Variants in OLFML3 observed in about 807,000 individuals in gnomAD.
OLFML3 encodes olfactomedin-like protein 3.
OLFML3 carries 26 observed loss-of-function variants against 36.0 expected under a neutral mutation model. The ratio of observed to expected loss-of-function variants is 0.72; its 90% CI spans 0.53 to 1.00. OLFML3 has a LOEUF of 1.00. Among genes scored for constraint, OLFML3 ranks in the 50% least tolerant of loss-of-function variants. The pLI is 0.00. For missense variants in OLFML3, 503 were observed against 519.4 expected (o/e 0.97, Z 0.31); for synonymous variants, 184 against 201.2 (o/e 0.91, Z 0.72).
chr1:113,979,794 C>G (rs1673338246), intron 1 of OLFML3, among the ~76,000 whole-genome samples, 164 bp downstream of exon 1: 1 of 152,200 alleles, frequency 6.6e-6, no homozygotes, highest in Admixed American at 6.5e-5. Context: ...CCTCCTCTTA[C>G]CCCACATAGA....
rs2101556450 is a variant in OLFML3, at chr1:113,980,771, G to A, written c.400+154G>A. 4 of 1,053,324 alleles carry A rather than the reference G, an allele frequency of 3.8e-6. No homozygotes were observed. The East Asian group carries it at 8.0e-5, about 21-fold the overall frequency. The allele number at this position is 1,053,324 out of a possible 1,614,324, so 65.2% of individuals were successfully genotyped here. On this transcript the variant is annotated intron_variant, in intron 2 of 2. Coordinates refer to ENST00000320334, the MANE Select transcript of OLFML3 (RefSeq NM_020190.5). ...ACCTCTGTAATGCCAGGTCTATTAAGGAGAGGTTCTGGGGATCCAGGCCGC... is the reference window on the plus strand; with the variant it reads ...ACCTCTGTAATGCCAGGTCTATTAAAGAGAGGTTCTGGGGATCCAGGCCGC...
rs1673386795 is a variant in OLFML3 at position 113,980,960 on chromosome 1, A to G, written c.412A>G (p.Thr138Ala). 1 of 1,519,800 alleles carries G rather than the reference A, an allele frequency of 6.6e-7. No individual in the cohort carries two copies. The highest frequency in any genetic ancestry group is 2.3e-5 in the East Asian group (1 of 43,878). The allele number at this position is 1,519,800 out of a possible 1,614,324, so 94.1% of individuals were successfully genotyped here. A position where few individuals can be genotyped will look rare whatever the true frequency, so the allele number is the denominator to read the frequency against. The change falls in exon 3 of 3, where the codon ACA (threonine) becomes GCA (alanine). Residue 138 changes from threonine to alanine, a missense_variant. Physicochemically the swap from Thr to Ala is moderately conservative, Grantham distance 58. Transcript: ENST00000320334. ...GCTTTTCTCATCAGACTGTGGCTAC[A>G]CAATCTCTCAAGTGAGATCAATGAA... ...KYDMVTDCGY[T>A]ISQVRSMKIL...
chr1:113,980,808 C>G lies in OLFML3; in HGVS notation c.401-141C>G, dbSNP rs1290184325. 17 of 998,076 alleles carry G rather than the reference C, an allele frequency of 1.7e-5. 1 individual carries two copies. The South Asian group carries it at 2.6e-4, about 15-fold the overall frequency. The allele number at this position is 998,076 out of a possible 1,614,324, so 61.8% of individuals were successfully genotyped here. On this transcript the variant is annotated intron_variant, in intron 2 of 2. Transcript: ENST00000320334. The stretch of plus-strand genomic sequence containing the variant: ...GGGATCCAGGCCGCTGTGGTACCCG[C>G]TCTTTCTCAATTCTCCCTAAGATTG...
At position 113,981,806 on chromosome 1, in the gene OLFML3, A is replaced by G. The variant is rs367890930; in HGVS notation, c.*37A>G. 19 of 1,525,770 alleles carry G rather than the reference A, an allele frequency of 1.2e-5. No individual in the cohort carries two copies. Among genetic ancestry groups the G allele is most frequent in the Non-Finnish European group, 1.7e-5 (19 of 1,115,594 alleles). 94.5% of individuals were successfully genotyped at this position (1,525,770 alleles called of 1,614,324 possible). On this transcript the variant is annotated 3_prime_UTR_variant, in exon 3 of 3. Transcript: ENST00000320334. ...TGTTTTTTGCATCTTTCTCACTCCC[A>G]TACATTTATATTATATCCCCACTAA...
chr1:113,981,053 A>T lies in OLFML3; in HGVS notation c.505A>T (p.Ile169Phe). Residue 169 changes from isoleucine (I) to phenylalanine (F), a missense_variant, in exon 3 of 3, where the codon ATC becomes TTC. Coordinates refer to ENST00000320334, the MANE Select transcript of OLFML3 (RefSeq NM_020190.5). ...GGATCCACTGGGGCAAACAGAGAAGATCTACGTGTTAGATGGGACACAGAA... is the reference window on the plus strand; with the variant it reads ...GGATCCACTGGGGCAAACAGAGAAGTTCTACGTGTTAGATGGGACACAGAA... ...TKDPLGQTEKIYVLDGTQNDT... is the reference protein window; with the variant it reads ...TKDPLGQTEKFYVLDGTQNDT... The T allele has an allele frequency of 6.2e-7, 1 of 1,606,214 alleles. No individual in the cohort carries two copies. The highest frequency in any genetic ancestry group is 8.5e-7 in the Non-Finnish European group (1 of 1,175,358).
At position 113,981,560 on chromosome 1, in the gene OLFML3, C is replaced by A. The variant is rs563364541; in HGVS notation, c.1012C>A (p.Arg338Ser). 5.6e-6 allele frequency: 9 copies of A among 1,614,108 alleles called. No individual in the cohort carries two copies. The highest frequency in any genetic ancestry group is 1.6e-4 in the Middle Eastern group (1 of 6,062). The change falls in exon 3 of 3, where the codon CGT (arginine) becomes AGT (serine). Residue 338 changes from arginine to serine, a missense_variant. Transcript: ENST00000320334. ...GACCCTCTATGTCGTCTATAACACC[C>A]GTCCTGCCAGTCGGGCCCGCATCCA... The part of the protein sequence containing the change: ...CGTLYVVYNT[R>S]PASRARIQCS...
At position 113,980,220 on chromosome 1, in the gene OLFML3, G is replaced by T. The variant is rs535293503; in HGVS notation, c.115-112G>T. ...TTCTGCAGGAGTGGAAGGGGATATT[G>T]AAGCCTGGCTGAGTTTGCTCTTTTT... On this transcript the variant is annotated intron_variant, in intron 1 of 2. Transcript: ENST00000320334. 5.3e-6 allele frequency: 8 copies of T among 1,522,980 alleles called. No individual in the cohort carries two copies. In the South Asian group the frequency reaches 7.8e-5, roughly 15 times the overall value. 94.3% of individuals were successfully genotyped at this position (1,522,980 alleles called of 1,614,324 possible).
At position 113,981,343 on chromosome 1, in the gene OLFML3, C is replaced by T. The variant is rs377445317; in HGVS notation, c.795C>T (p.Pro265=). 11 of 1,601,772 alleles carry T rather than the reference C, an allele frequency of 6.9e-6. No individual in the cohort carries two copies. Among genetic ancestry groups the T allele is most frequent in the Non-Finnish European group, 9.4e-6 (11 of 1,173,478 alleles). The change falls in exon 3 of 3, where the codon CCC becomes CCT. Residue 265 remains proline, a synonymous_variant. Coordinates refer to ENST00000320334, the MANE Select transcript of OLFML3 (RefSeq NM_020190.5). ...TCCCAGCAGAGGGGCTGATCCCCCC[C>T]TACGGCTTGACAGCAGACACCTACA... ...SVFPAEGLIP[P]YGLTADTYID... is the part of the protein sequence containing the mutation.
Position 113,981,740 on chromosome 1 carries a change from G to A in OLFML3, c.1192G>A (p.Glu398Lys). Reference protein sequence around the residue: ...DDGYQIVYKLEMRKKEEEV With the variant: ...DDGYQIVYKLKMRKKEEEV Reference sequence around the variant, plus strand: ...TGGCTACCAGATTGTCTATAAGCTGGAGATGAGGAAGAAAGAGGAGGAGGT... The same window carrying A: ...TGGCTACCAGATTGTCTATAAGCTGAAGATGAGGAAGAAAGAGGAGGAGGT... Residue 398 changes from glutamate to lysine, a missense_variant, in exon 3 of 3, where the codon GAG becomes AAG. By Grantham distance (56) the Glu-to-Lys change is moderately conservative. Coordinates refer to ENST00000320334, the MANE Select transcript of OLFML3 (RefSeq NM_020190.5). 1 of 1,613,712 alleles carries A rather than the reference G, an allele frequency of 6.2e-7. No individual in the cohort carries two copies. Among genetic ancestry groups the A allele is most frequent in the Non-Finnish European group, 8.5e-7 (1 of 1,179,956 alleles).
rs1673396500 is a variant in OLFML3, at chr1:113,981,163, C to T, written c.615C>T (p.Phe205=). The T allele has an allele frequency of 6.2e-7, 1 of 1,614,236 alleles. No individual in the cohort carries two copies. Among genetic ancestry groups the T allele is most frequent in the Non-Finnish European group, 8.5e-7 (1 of 1,180,028 alleles). Residue 205 remains phenylalanine (F), a synonymous_variant, in exon 3 of 3, where the codon TTC becomes TTT. Coordinates refer to ENST00000320334, the MANE Select transcript of OLFML3 (RefSeq NM_020190.5). ...AAGCTTCCCGAGTCCGGGTGCCCTT[C>T]CCCTGGGTAGGCACAGGGCAGCTGG... The part of the protein sequence containing the change: ...ARKASRVRVP[F]PWVGTGQLVY...
chr1:113,979,701 G>C (rs1673333994), intron 1 of OLFML3, 71 bp downstream of exon 1: 1 of 1,139,976 alleles, frequency 8.8e-7, no homozygotes, highest in Non-Finnish European at 1.3e-6. Flanking sequence ...CAGTTTGTTA[G>C]GGATCTGGGG....
At position 113,980,615 on chromosome 1, in the gene OLFML3, C is replaced by G. The variant is rs1673377810; in HGVS notation, c.398C>G (p.Thr133Arg). ...AGGAATGAGAAGTACGATATGGTGA[C>G]AGGTAAATAATCTGAAAGCAGGCCC... ...GRRNEKYDMV[T>R]DCGYTISQVR... The change falls in exon 2 of 3, where the codon ACA becomes AGA. Residue 133 changes from threonine (T) to arginine (R), a missense_variant and splice_region_variant. By Grantham distance (71) the Thr-to-Arg change is moderately conservative. Transcript: ENST00000320334. The G allele has an allele frequency of 6.3e-7, 1 of 1,577,194 alleles. No homozygotes were observed. The highest frequency in any genetic ancestry group is 1.9e-5 in the Admixed American group (1 of 53,132).
At chr1:113,979,919 A>T (rs1673344753) in intron 1 of OLFML3, 7 of 1,423,444 alleles carry the variant, frequency 4.9e-6, no homozygotes, top group Middle Eastern at 1.9e-4. Context: ...GAAGGTGATG[A>T]TTCTGTTGAA....
rs1558158807 is a variant in OLFML3 at position 113,979,750 on chromosome 1, C to T, written c.114+120C>T. ...GCTCTGTTAGAGTCTACAGAAAATTCTCTCTTAATAAGAGGACCTTCGGAA... is the reference window on the plus strand; with the variant it reads ...GCTCTGTTAGAGTCTACAGAAAATTTTCTCTTAATAAGAGGACCTTCGGAA... On this transcript the variant is annotated intron_variant, in intron 1 of 2. Coordinates refer to ENST00000320334, the MANE Select transcript of OLFML3 (RefSeq NM_020190.5). The T allele has an allele frequency of 5.8e-6, 5 of 863,272 alleles. No homozygotes were observed. The East Asian group carries it at 1.3e-4, about 23-fold the overall frequency. 53.5% of individuals were successfully genotyped at this position (863,272 alleles called of 1,614,324 possible).
chr1:113,980,488 G>A lies in OLFML3; in HGVS notation c.271G>A (p.Glu91Lys). Residue 91 changes from glutamate (E) to lysine (K), a missense_variant, in exon 2 of 3, where the codon GAG becomes AAG. Transcript: ENST00000320334. Reference sequence around the variant, plus strand: ...CATCTCCGGGAGAGTGGATCGTCTGGAGCGGGAGGTAGACTATCTGGAGAC... The same window carrying A: ...CATCTCCGGGAGAGTGGATCGTCTGAAGCGGGAGGTAGACTATCTGGAGAC... ...DTISGRVDRL[E>K]REVDYLETQN... 6.2e-7 allele frequency: 1 copy of A among 1,614,200 alleles called. No individual in the cohort carries two copies. Among genetic ancestry groups the A allele is most frequent in the South Asian group, 1.1e-5 (1 of 91,080 alleles).
rs1673378418 is a variant in OLFML3 at position 113,980,631 on chromosome 1, AAGC to A, written c.400+17_400+19del. ...ATATGGTGACAGGTAAATAATCTGAAAGCAGGCCCCTAACTCTTCTCAGAACCG... is the reference window on the plus strand; with the variant it reads ...ATATGGTGACAGGTAAATAATCTGAAAGGCCCCTAACTCTTCTCAGAACCG... On this transcript the variant is annotated intron_variant, in intron 2 of 2. Transcript: ENST00000320334. 6.4e-7 allele frequency: 1 copy of A among 1,555,428 alleles called. No homozygotes were observed. The highest frequency in any genetic ancestry group is 1.4e-5 in the African/African-American group (1 of 72,944).
chr1:113,979,476 C>CT lies in OLFML3; in HGVS notation c.-40dup, dbSNP rs1673318693. The CT allele has an allele frequency of 4.2e-6, 6 of 1,424,576 alleles. No homozygotes were observed. The highest frequency in any genetic ancestry group is 6.0e-6 in the Non-Finnish European group (6 of 1,007,808). The allele number at this position is 1,424,576 out of a possible 1,614,324, so 88.2% of individuals were successfully genotyped here. A position where few individuals can be genotyped will look rare whatever the true frequency, so the allele number is the denominator to read the frequency against. On this transcript the variant is annotated 5_prime_UTR_variant, in exon 1 of 3. Coordinates refer to ENST00000320334, the MANE Select transcript of OLFML3 (RefSeq NM_020190.5). ...CTCGGGCTTGAGGGGAAGAGGCTGA[C>CT]TGTACGTTCCTTCTACTCTGGCACC...
At chr1:113,979,748 TTC>T in intron 1 of OLFML3, 118 bp downstream of exon 1, 2 of 868,176 alleles carry the variant, frequency 2.3e-6, no homozygotes, top group Non-Finnish European at 3.6e-6. Flanking sequence ...CTACAGAAAA[TTC>T]TCTCTTAATA....
chr1:113,980,096 G>A (rs1673352771), intron 1 of OLFML3: 1 of 1,550,330 alleles, frequency 6.5e-7, no homozygotes, highest in South Asian at 1.2e-5. Context: ...ACTGCTCACA[G>A]AGAACACAGG....
Sources: allele counts gnomAD v4.1 joint callset (sites outside exome capture counted in the v4.1 genomes callset), GRCh38; gene constraint gnomAD v4.1.1; transcripts MANE v1.5; gene names NCBI Gene and HGNC (gene_info 2026-07-23, HGNC 2026-07-21).